The following ARMC2 variants were observed in gnomAD, a reference collection of about 807,000 sequenced individuals.
ARMC2 encodes the protein armadillo repeat containing 2.
In ARMC2, 67 loss-of-function variants were observed where a neutral mutation model predicts 90.3. The ratio of observed to expected loss-of-function variants is 0.74; its 90% CI spans 0.61 to 0.91. The LOEUF is 0.91. Among genes scored for constraint, ARMC2 ranks in the 40% least tolerant of loss-of-function variants. The pLI, the probability that ARMC2 is intolerant of heterozygous loss-of-function variation, is 0.00. For synonymous variants in ARMC2, 393 were observed against 393.0 expected, an observed-to-expected ratio of 1.00 and a Z score of 0.00; for missense variants, 920 against 1,030.9, an observed-to-expected ratio of 0.89 and a Z score of 1.47.
At chr6:108,921,880 G>A (rs956592389) in intron 10 of ARMC2, among the ~76,000 whole-genome samples, 2 of 152,208 alleles carry the variant, frequency 1.3e-5, no homozygotes, top group African/African-American at 4.8e-5. Context: ...GGATATTCCA[G>A]ATGATTGCAA....
At chr6:108,866,061 G>A (rs1311373019) in intron 3 of ARMC2, among the ~76,000 whole-genome samples, 1 of 150,788 alleles carries the variant, frequency 6.6e-6, no homozygotes, top group Non-Finnish European at 1.5e-5. Context: ...AGTACAGTTT[G>A]GGTGTCTGTA....
intron 4 of ARMC2, among the ~76,000 whole-genome samples, chr6:108,873,998 A>G (rs1435991826): frequency 6.6e-6 from 1 of 152,230 alleles, no homozygotes; most frequent in African/African-American, 2.4e-5. Context: ...AACAGGTATC[A>G]AATAAATATT....
chr6:108,947,140 C>T (rs1471537852), intron 12 of ARMC2, among the ~76,000 whole-genome samples: 3 of 151,954 alleles, frequency 2.0e-5, no homozygotes, highest in Admixed American at 1.3e-4. Context: ...TAGCCCAGGT[C>T]GGCATGGGCA....
intron 12 of ARMC2, among the ~76,000 whole-genome samples, chr6:108,950,031 C>A (rs927606762): frequency 2.6e-5 from 4 of 152,108 alleles, no homozygotes; most frequent in Non-Finnish European, 4.4e-5. Flanking sequence ...CATGGTGAAA[C>A]CGCGTCTCTA....
At chr6:108,979,281 G>A (rs1478559008), downstream of ARMC2, among the ~76,000 whole-genome samples, 1 of 152,126 alleles carries the variant, frequency 6.6e-6, no homozygotes, top group Non-Finnish European at 1.5e-5. Context: ...TGAAATTCTG[G>A]GTTGAAAATT....
chr6:108,995,173 G>C, the ARMC2 span, among the ~76,000 whole-genome samples: 2 of 152,232 alleles, frequency 1.3e-5, no homozygotes, highest in East Asian at 3.9e-4. Flanking sequence ...TATAAAATTA[G>C]CAATAATGTC....
At position 108,899,401 on chromosome 6, in the gene ARMC2, A is replaced by T. The variant is rs531140078; in HGVS notation, c.749-293A>T. Among the ~76,000 whole-genome samples, 7 of 152,302 alleles carry T rather than the reference A, an allele frequency of 4.6e-5. No individual in the cohort carries two copies. The South Asian group carries it at 1.5e-3, about 32-fold the overall frequency. The stretch of plus-strand genomic sequence containing the variant: ...ATAAGTTTAAGTAAAAATGTACTCA[A>T]AACTGTTTGCCTTACTGACAGTCAT... On this transcript the variant is annotated intron_variant, in intron 6 of 17. Transcript: ENST00000392644.
chr6:108,922,414 A>G (rs1774672235), intron 10 of ARMC2, among the ~76,000 whole-genome samples: 1 of 152,208 alleles, frequency 6.6e-6, no homozygotes, highest in African/African-American at 2.4e-5. Flanking sequence ...CTGGGATTAC[A>G]GACCTGAGCC....
chr6:108,885,534 C>T (rs1462940408), intron 5 of ARMC2, among the ~76,000 whole-genome samples: 1 of 151,866 alleles, frequency 6.6e-6, no homozygotes, highest in Non-Finnish European at 1.5e-5. Context: ...ACCAAAAATA[C>T]AAAAAATTAG....
At chr6:108,943,519 G>A (rs1776599367) in intron 12 of ARMC2, among the ~76,000 whole-genome samples, 2 of 152,134 alleles carry the variant, frequency 1.3e-5, no homozygotes, top group South Asian at 2.1e-4. Flanking sequence ...TGCCTGGGGA[G>A]CTTTAAAAAT....
intron 17 of ARMC2, among the ~76,000 whole-genome samples, chr6:108,969,804 G>A (rs1329315180): frequency 6.6e-6 from 1 of 152,168 alleles, no homozygotes; most frequent in Non-Finnish European, 1.5e-5. Context: ...CACTTTGGGA[G>A]GACGAGGTGG....
chr6:108,859,893 A>C (rs971577686), intron 3 of ARMC2, among the ~76,000 whole-genome samples: 2 of 152,102 alleles, frequency 1.3e-5, no homozygotes, highest in Non-Finnish European at 2.9e-5. Context: ...AATCCCAGCC[A>C]CTAGGGAAGC....
At chr6:108,919,332 T>C (rs1433926193) in intron 10 of ARMC2, among the ~76,000 whole-genome samples, 1 of 152,214 alleles carries the variant, frequency 6.6e-6, no homozygotes, top group African/African-American at 2.4e-5. Context: ...CTGGAAATTA[T>C]GTTAATTCTT....
chr6:108,985,594 T>G, the ARMC2 span, among the ~76,000 whole-genome samples: 2 of 152,204 alleles, frequency 1.3e-5, no homozygotes, highest in Admixed American at 6.5e-5. Context: ...CTCATTAAAA[T>G]TTTGATTTCA....
intron 3 of ARMC2, among the ~76,000 whole-genome samples, chr6:108,861,769 A>G (rs907743197): frequency 2.0e-5 from 3 of 152,210 alleles, no homozygotes; most frequent in African/African-American, 7.2e-5. Context: ...ACCTTATTGT[A>G]GAGTGGCTCT....
chr6:109,011,047 T>C, the ARMC2 span, among the ~76,000 whole-genome samples: 1 of 152,216 alleles, frequency 6.6e-6, no homozygotes, highest in Non-Finnish European at 1.5e-5. Flanking sequence ...AGAGTTGAGG[T>C]ATGATTTTAT....
At chr6:108,964,806 A>G (rs532269651) in intron 16 of ARMC2, among the ~76,000 whole-genome samples, 174 bp from the exon 17 acceptor site, 4 of 152,260 alleles carry the variant, frequency 2.6e-5, no homozygotes, top group African/African-American at 9.6e-5. Context: ...AAAAAGGTGT[A>G]GAAGTAGATT....
chr6:108,986,398 T>C, the ARMC2 span: 4 of 152,622 alleles, frequency 2.6e-5, no homozygotes, highest in African/African-American at 9.7e-5. Context: ...TTATTACTAA[T>C]AGTGAAGTCA....
chr6:109,000,774 T>G, the ARMC2 span: 1 of 1,020,516 alleles, frequency 9.8e-7, no homozygotes, highest in Non-Finnish European at 1.3e-6. Context: ...TTTATTAGTA[T>G]GTTTTCAAAT....
Sources: allele counts gnomAD v4.1 joint callset (sites outside exome capture counted in the v4.1 genomes callset), GRCh38; gene constraint gnomAD v4.1.1; transcripts MANE v1.5; gene names NCBI Gene and HGNC (gene_info 2026-07-23, HGNC 2026-07-21).